The following NOP58 variants were observed in gnomAD, a reference collection of about 807,000 sequenced individuals.
NOP58 encodes nucleolar protein 58.
In NOP58, 44 loss-of-function variants were observed where a neutral mutation model predicts 71.2. The ratio of observed to expected loss-of-function variants is 0.62; its 90% CI spans 0.49 to 0.79. The LOEUF (loss-of-function observed/expected upper bound fraction) is 0.79. NOP58 is among the 30% of genes least tolerant of loss of function. NOP58 has a pLI of 0.00. For missense variants in NOP58, 538 were observed against 620.2 expected, an observed-to-expected ratio of 0.87 and a Z score of 1.41; for synonymous variants, 228 against 200.3, an observed-to-expected ratio of 1.14 and a Z score of -1.17.
chr2:202,282,060 G>A (rs60722019), intron 3 of NOP58, among the ~76,000 whole-genome samples: 15,544 of 152,200 alleles, frequency 0.1, 966 homozygotes, highest in South Asian at 0.23. Flanking sequence ...CAAAAAGATT[G>A]TTTCTAAGAT....
In NOP58 at chr2:202,290,306, T is replaced by C. The variant is rs1688865685; in HGVS notation, c.500-17T>C. The stretch of plus-strand genomic sequence containing the variant: ...AATCCCTTTAAGTTTTGTTTGTTTG[T>C]TTTTAATCTACTACAGCCTTGTTAG... On this transcript the variant is annotated splice_polypyrimidine_tract_variant and intron_variant, in intron 6 of 14. Coordinates refer to ENST00000264279, the MANE Select transcript of NOP58 (RefSeq NM_015934.5). The C allele has an allele frequency of 6.4e-7, 1 of 1,574,460 alleles. No individual in the cohort carries two copies. Among genetic ancestry groups the C allele is most frequent in the Admixed American group, 1.9e-5 (1 of 52,132 alleles).
intron 3 of NOP58, among the ~76,000 whole-genome samples, chr2:202,280,881 C>T (rs979841544): frequency 6.6e-6 from 1 of 151,108 alleles, no homozygotes; most frequent in Non-Finnish European, 1.5e-5. Flanking sequence ...CATGCCACCA[C>T]GCTCACCTAA....
At chr2:202,303,151 A>G in intron 14 of NOP58, 94 bp downstream of exon 14, 1 of 1,458,382 alleles carries the variant, frequency 6.9e-7, no homozygotes. Context: ...AGGCATTTTA[A>G]AAAATGGTTT....
chr2:202,270,898 G>A (rs1688502277), intron 1 of NOP58, among the ~76,000 whole-genome samples: 1 of 151,970 alleles, frequency 6.6e-6, no homozygotes, highest in Non-Finnish European at 1.5e-5. Context: ...AACCAGCCTG[G>A]CCAACATAGT....
At chr2:202,293,180 G>A (rs372458049) in intron 9 of NOP58, 1 of 622,244 alleles carries the variant, frequency 1.6e-6, no homozygotes, top group Non-Finnish European at 3.0e-6. Flanking sequence ...TAGAACAATC[G>A]GATGAATGCA....
At chr2:202,286,756 A>G (rs894678331) in intron 5 of NOP58, among the ~76,000 whole-genome samples, 5 of 152,160 alleles carry the variant, frequency 3.3e-5, no homozygotes, top group African/African-American at 1.2e-4. Context: ...ATGTCCCCCC[A>G]GTAGGCATTT....
At chr2:202,299,779 CTTG>C (rs1011993145) in intron 12 of NOP58, 2 of 149,396 alleles carry the variant, frequency 1.3e-5, no homozygotes, top group African/African-American at 4.9e-5. Flanking sequence ...TGTATCCTTT[CTTG>C]TTCTTGTGAT....
At chr2:202,274,487 C>T (rs1008809111) in intron 1 of NOP58, among the ~76,000 whole-genome samples, 1 of 150,854 alleles carries the variant, frequency 6.6e-6, no homozygotes, top group African/African-American at 2.4e-5. Flanking sequence ...GGTGATCCGC[C>T]TGCCTCAGCC....
intron 12 of NOP58, 129 bp downstream of exon 12, chr2:202,298,035 T>A (rs1199027695): frequency 3.4e-6 from 2 of 588,110 alleles, no homozygotes; most frequent in African/African-American, 3.8e-5. Context: ...TGACCAAAAT[T>A]GTGTATGTTT....
rs551082526 is a variant in NOP58 at position 202,276,809 on chromosome 2, G to C, written c.123-1141G>C. ...GCTGTGATTGCACCACTGCATTCCA[G>C]CCTGGGTGACAGAGTGAAGTGAGAC... On this transcript the variant is annotated intron_variant, in intron 2 of 14. Coordinates refer to ENST00000264279, the MANE Select transcript of NOP58 (RefSeq NM_015934.5). Among the ~76,000 whole-genome samples, 15 of 152,224 alleles carry C rather than the reference G, an allele frequency of 9.9e-5. No individual in the cohort carries two copies. In the South Asian group the frequency reaches 3.1e-3, roughly 32 times the overall value.
chr2:202,276,492 C>G (rs199644897), intron 2 of NOP58: 3 of 515,850 alleles, frequency 5.8e-6, no homozygotes, highest in Non-Finnish European at 7.7e-6. Flanking sequence ...ACTCAATATT[C>G]GTCACTACCA....
At chr2:202,287,411 A>G (rs868647138) in intron 5 of NOP58, among the ~76,000 whole-genome samples, 1 of 151,918 alleles carries the variant, frequency 6.6e-6, no homozygotes, top group Middle Eastern at 3.2e-3. Flanking sequence ...TGTCATTCAT[A>G]CATAAACTCA....
chr2:202,290,593 T>C (rs1282331712), intron 7 of NOP58, 136 bp downstream of exon 7: 10 of 708,366 alleles, frequency 1.4e-5, no homozygotes, highest in Non-Finnish European at 2.3e-5. Flanking sequence ...AGTGTAGCAG[T>C]TTAGTGTCTT....
chr2:202,268,731 C>G (rs1688462221), intron 1 of NOP58, among the ~76,000 whole-genome samples: 1 of 151,396 alleles, frequency 6.6e-6, no homozygotes, highest in South Asian at 2.1e-4. Context: ...CCTGCCTCAG[C>G]CTCCCGAGTA....
rs1460388659 is a variant in NOP58, at chr2:202,303,608, GTCA to G, written c.*177_*179del. The stretch of plus-strand genomic sequence containing the variant: ...TTGACATCAACTCTGTTAACCTTAT[GTCA>G]TCATTTCTTAGAGTCTTTGATATAC... On this transcript the variant is annotated 3_prime_UTR_variant, in exon 15 of 15. Coordinates refer to ENST00000264279, the MANE Select transcript of NOP58 (RefSeq NM_015934.5). 2 of 733,258 alleles carry G rather than the reference GTCA, an allele frequency of 2.7e-6. No individual in the cohort carries two copies. The highest frequency in any genetic ancestry group is 3.7e-5 in the Admixed American group (1 of 27,318). The allele number at this position is 733,258 out of a possible 1,614,324, so 45.4% of individuals were successfully genotyped here.
Position 202,303,544 on chromosome 2 carries a change from CAA to C in NOP58, c.*110_*111del. On this transcript the variant is annotated 3_prime_UTR_variant, in exon 15 of 15. Coordinates refer to ENST00000264279, the MANE Select transcript of NOP58 (RefSeq NM_015934.5). ...GTAATCAAGGGAAGGTTCAGTAAGA[CAA>C]AGTGATTTATCATCTATAACTTCAA... 1 of 1,395,898 alleles carries C rather than the reference CAA, an allele frequency of 7.2e-7. No individual in the cohort carries two copies. The highest frequency in any genetic ancestry group is 1.7e-5 in the South Asian group (1 of 60,422). 86.5% of individuals were successfully genotyped at this position (1,395,898 alleles called of 1,614,324 possible). A position where few individuals can be genotyped will look rare whatever the true frequency, so the allele number is the denominator to read the frequency against.
chr2:202,294,292 G>A (rs1004948786), intron 9 of NOP58, among the ~76,000 whole-genome samples: 4 of 147,432 alleles, frequency 2.7e-5, no homozygotes, highest in African/African-American at 7.5e-5. Context: ...GCACACAGCA[G>A]TGGTGACATT....
chr2:202,302,083 CTTTTT>C (rs71031885), intron 13 of NOP58, among the ~76,000 whole-genome samples: 7 of 90,584 alleles, frequency 7.7e-5, no homozygotes, highest in African/African-American at 3.2e-4. Flanking sequence ...TTTTTTTTTT[CTTTTT>C]TTTTTTTTTT....
chr2:202,287,779 A>T (rs1266605845), intron 6 of NOP58, 55 bp downstream of exon 6: 18 of 1,248,052 alleles, frequency 1.4e-5, no homozygotes, highest in Middle Eastern at 1.9e-4. Flanking sequence ...ATGCGTTTTC[A>T]TACTGTTGAA....
Sources: gnomAD v4.1 joint callset for allele counts (sites outside exome capture counted in the v4.1 genomes callset) on GRCh38, gnomAD v4.1.1 for gene constraint, MANE v1.5 for transcripts, NCBI Gene and HGNC (gene_info 2026-07-23, HGNC 2026-07-21) for gene names.